The following PDE1A variants were observed in gnomAD, a reference collection of about 807,000 sequenced individuals.
The protein encoded by PDE1A is dual specificity calcium/calmodulin-dependent 3',5'-cyclic nucleotide phosphodiesterase 1A.
A neutral mutation model predicts 61.7 loss-of-function variants in PDE1A; 35 were observed. That is an observed-to-expected ratio of 0.57 (90% CI 0.43 to 0.75). The LOEUF (loss-of-function observed/expected upper bound fraction) is 0.75. Among genes scored for constraint, PDE1A ranks in the 30% least tolerant of loss-of-function variants. The pLI, the probability that PDE1A is intolerant of heterozygous loss-of-function variation, is 0.00. For synonymous variants in PDE1A, 232 were observed against 213.2 expected (o/e 1.09, Z -0.77); for missense variants, 597 against 630.6 (o/e 0.95, Z 0.57).
chr2:182,469,033 T>C (rs916459032), intron 2 of PDE1A, among the ~76,000 whole-genome samples: 1 of 151,954 alleles, frequency 6.6e-6, no homozygotes, highest in South Asian at 2.1e-4. Context: ...GCAGAGTAGA[T>C]GTAGCAAAAT....
intron 1 of PDE1A, among the ~76,000 whole-genome samples, chr2:182,349,864 AG>A (rs370529714): frequency 1.4e-3 from 212 of 152,320 alleles, no homozygotes; most frequent in African/African-American, 4.8e-3. Context: ...GGCGAGTAGC[AG>A]TGAATAGAAG....
chr2:182,307,125 A>T (rs1202115689), intron 1 of PDE1A, among the ~76,000 whole-genome samples: 1 of 152,174 alleles, frequency 6.6e-6, no homozygotes, highest in Non-Finnish European at 1.5e-5. Context: ...ACCTGATTAA[A>T]ACATGGGCAA....
At chr2:182,261,411 A>G (rs1349419887) in intron 2 of PDE1A, among the ~76,000 whole-genome samples, 1 of 152,230 alleles carries the variant, frequency 6.6e-6, no homozygotes, top group African/African-American at 2.4e-5. Flanking sequence ...TGAAACTAAG[A>G]GCCCTTTGAA....
chr2:182,499,998 C>T (rs1688993695), intron 2 of PDE1A, among the ~76,000 whole-genome samples: 1 of 152,038 alleles, frequency 6.6e-6, no homozygotes, highest in African/African-American at 2.4e-5. Context: ...CAATACAATA[C>T]CAATTAAAAA....
intron 5 of PDE1A, 129 bp from the exon 6 acceptor site, chr2:182,230,275 A>T (rs1689472136): frequency 1.5e-6 from 1 of 665,708 alleles, no homozygotes; most frequent in African/African-American, 1.8e-5. Flanking sequence ...TCAAATGTTG[A>T]TTGTTCTGAA....
chr2:182,249,707 A>C (rs1574146079), intron 2 of PDE1A, among the ~76,000 whole-genome samples: 1 of 139,076 alleles, frequency 7.2e-6, no homozygotes, highest in Non-Finnish European at 1.5e-5. Flanking sequence ...AGCTGCTTGT[A>C]CCCTTCTTCA....
chr2:182,524,474 T>C (rs2125995286), upstream of PDE1A, among the ~76,000 whole-genome samples: 1 of 152,236 alleles, frequency 6.6e-6, no homozygotes, highest in East Asian at 1.9e-4. Flanking sequence ...AATACTACAA[T>C]TCATTTGCCC....
chr2:182,504,977 T>C (rs2368302), intron 2 of PDE1A, among the ~76,000 whole-genome samples: 116,946 of 152,240 alleles, frequency 0.77, 46,745 homozygotes, highest in East Asian at 0.99. Context: ...GCAAACAACA[T>C]GTTGTAGCCT....
At chr2:182,225,389 C>A (rs1689063246) in intron 6 of PDE1A, among the ~76,000 whole-genome samples, 1 of 151,854 alleles carries the variant, frequency 6.6e-6, no homozygotes, top group Non-Finnish European at 1.5e-5. Context: ...AAAATGAAGG[C>A]AGTGACAATT....
At chr2:182,691,575 C>A in the PDE1A span, among the ~76,000 whole-genome samples, 1 of 152,138 alleles carries the variant, frequency 6.6e-6, no homozygotes, top group Admixed American at 6.5e-5. Context: ...ACCATAAAAA[C>A]CCTAGAAGAA....
chr2:182,558,301 T>C, the PDE1A span, among the ~76,000 whole-genome samples: 3 of 152,104 alleles, frequency 2.0e-5, no homozygotes, highest in East Asian at 5.8e-4. Context: ...TAATCTAATA[T>C]ATATTATGGC....
intron 1 of PDE1A, among the ~76,000 whole-genome samples, chr2:182,286,950 A>C (rs1055454871): frequency 2.6e-5 from 4 of 152,092 alleles, no homozygotes; most frequent in Non-Finnish European, 2.9e-5. Flanking sequence ...GTTAAACATA[A>C]ATTGGATCAT....
At chr2:182,397,122 C>A (rs2125423524) in intron 1 of PDE1A, among the ~76,000 whole-genome samples, 1 of 152,260 alleles carries the variant, frequency 6.6e-6, no homozygotes. Flanking sequence ...CCATGCCTTT[C>A]TGCATGCACT....
intron 2 of PDE1A, among the ~76,000 whole-genome samples, chr2:182,500,181 GA>G (rs1689003999): frequency 1.3e-5 from 2 of 152,036 alleles, no homozygotes; most frequent in South Asian, 4.1e-4. Context: ...TTAATTCCAG[GA>G]AAAACAAGAA....
intron 1 of PDE1A, 145 bp downstream of exon 1, chr2:182,426,433 G>A (rs751382959): frequency 2.6e-5 from 15 of 584,558 alleles, no homozygotes; most frequent in Non-Finnish European, 4.3e-5. Flanking sequence ...AAACAAAAAG[G>A]CTCCCTCAGT....
At chr2:182,525,016 T>C (rs1690755610), upstream of PDE1A, among the ~76,000 whole-genome samples, 1 of 151,926 alleles carries the variant, frequency 6.6e-6, no homozygotes, top group Non-Finnish European at 1.5e-5. Flanking sequence ...CTAGACTACC[T>C]GGGTTTGAAT....
intron 1 of PDE1A, among the ~76,000 whole-genome samples, chr2:182,375,153 T>C (rs548401532): frequency 1.7e-4 from 26 of 152,272 alleles, no homozygotes; most frequent in African/African-American, 5.8e-4. Context: ...AACCACATCA[T>C]TCTGCCCCTG....
chr2:182,513,245 G>A (rs1689921978), intron 2 of PDE1A, among the ~76,000 whole-genome samples: 1 of 152,164 alleles, frequency 6.6e-6, no homozygotes, highest in African/African-American at 2.4e-5. Context: ...GCTAATAGCA[G>A]ACCTTTCAAC....
At chr2:182,625,198 C>G in the PDE1A span, among the ~76,000 whole-genome samples, 1 of 152,104 alleles carries the variant, frequency 6.6e-6, no homozygotes, top group Non-Finnish European at 1.5e-5. Flanking sequence ...ATGCCAGTAG[C>G]CTGGACTTTC....
Sources: gnomAD v4.1 joint callset for allele counts (sites outside exome capture counted in the v4.1 genomes callset) on GRCh38, gnomAD v4.1.1 for gene constraint, MANE v1.5 for transcripts, NCBI Gene and HGNC (gene_info 2026-07-23, HGNC 2026-07-21) for gene names.